The following ATG10 variants were observed in gnomAD, a reference collection of about 807,000 sequenced individuals.
ATG10 encodes the protein autophagy related 10.
Under a neutral mutation model 32.1 loss-of-function variants are expected in ATG10, and 30 were observed. The ratio of observed to expected loss-of-function variants is 0.94; its 90% CI spans 0.70 to 1.27. The LOEUF (loss-of-function observed/expected upper bound fraction) is 1.27. Ranked by LOEUF, ATG10 falls within the 50% of genes most tolerant of loss-of-function variation. The pLI is 0.00. For synonymous variants in ATG10, 87 were observed against 91.5 expected (o/e 0.95, Z 0.28); for missense variants, 233 against 262.3 (o/e 0.89, Z 0.77).
At chr5:82,009,122 G>A (rs935331817) in intron 2 of ATG10, among the ~76,000 whole-genome samples, 11 of 152,118 alleles carry the variant, frequency 7.2e-5, no homozygotes, top group African/African-American at 1.2e-4. Flanking sequence ...TACCATTGAG[G>A]CCAAATTGTT....
At chr5:82,135,596 A>G (rs993487993) in intron 3 of ATG10, among the ~76,000 whole-genome samples, 15 of 152,038 alleles carry the variant, frequency 9.9e-5, no homozygotes, top group South Asian at 8.3e-4. Flanking sequence ...GACTGTTATG[A>G]TTTCTGTTCT....
At chr5:81,976,088 GC>G in intron 1 of ATG10, 1 of 151,034 alleles carries the variant, frequency 6.6e-6, no homozygotes, top group Non-Finnish European at 1.5e-5. Context: ...GCAGGCTCCG[GC>G]CCCCGAGTTC....
At chr5:81,981,491 C>T (rs1284609173) in intron 1 of ATG10, among the ~76,000 whole-genome samples, 2 of 152,036 alleles carry the variant, frequency 1.3e-5, no homozygotes, top group African/African-American at 4.8e-5. Context: ...TTTAACTCTC[C>T]TACCTGATAG....
chr5:82,201,860 A>G (rs1341059097), intron 5 of ATG10, among the ~76,000 whole-genome samples: 3 of 152,192 alleles, frequency 2.0e-5, no homozygotes, highest in Admixed American at 1.3e-4. Context: ...ACATTTCCTT[A>G]AATTTTTATG....
intron 3 of ATG10, among the ~76,000 whole-genome samples, chr5:82,153,825 A>T (rs758243159): frequency 1.4e-4 from 21 of 151,992 alleles, no homozygotes; most frequent in Non-Finnish European, 2.4e-4. Flanking sequence ...ATATTAGGAC[A>T]TAATATCTAT....
At chr5:82,151,217 T>C (rs967944783) in intron 3 of ATG10, among the ~76,000 whole-genome samples, 2 of 152,180 alleles carry the variant, frequency 1.3e-5, no homozygotes, top group African/African-American at 4.8e-5. Flanking sequence ...AAAATTTTAA[T>C]ATAATTTTTA....
chr5:82,209,272 G>C (rs908887527), intron 5 of ATG10, among the ~76,000 whole-genome samples: 8 of 151,518 alleles, frequency 5.3e-5, no homozygotes, highest in Admixed American at 4.6e-4. Flanking sequence ...TTTTTCTACT[G>C]TTATATATTG....
intron 3 of ATG10, among the ~76,000 whole-genome samples, chr5:82,133,610 G>A (rs1766625237): frequency 6.6e-6 from 1 of 152,088 alleles, no homozygotes; most frequent in Non-Finnish European, 1.5e-5. Context: ...GTACCATACT[G>A]TTGTAGTTAC....
intron 3 of ATG10, among the ~76,000 whole-genome samples, chr5:82,158,309 C>CT (rs1767889818): frequency 6.6e-6 from 1 of 152,038 alleles, no homozygotes; most frequent in South Asian, 2.1e-4. Context: ...ATTGTGACTT[C>CT]TTTTTTCAAT....
chr5:82,248,557 G>A (rs115457767), intron 5 of ATG10, among the ~76,000 whole-genome samples: 2,910 of 152,246 alleles, frequency 0.019, 97 homozygotes, highest in African/African-American at 0.067. Context: ...AACTAAACAC[G>A]TCTCAGATTT....
chr5:82,119,984 TTGTGTG>T (rs5869106), intron 3 of ATG10, among the ~76,000 whole-genome samples: 3,482 of 148,106 alleles, frequency 0.024, 57 homozygotes, highest in African/African-American at 0.054. Context: ...CCACCATTTA[TTGTGTG>T]TGTGTGTGTG....
chr5:82,143,361 G>C (rs571835249), intron 3 of ATG10, among the ~76,000 whole-genome samples: 8 of 152,246 alleles, frequency 5.3e-5, no homozygotes, highest in African/African-American at 1.9e-4. Flanking sequence ...CAGAACGGTC[G>C]TTAGAGTCAT....
intron 3 of ATG10, among the ~76,000 whole-genome samples, chr5:82,119,769 C>G (rs1256055182): frequency 6.6e-6 from 1 of 152,026 alleles, no homozygotes; most frequent in Non-Finnish European, 1.5e-5. Flanking sequence ...CCTGAATTAC[C>G]ACACATTTTT....
At chr5:82,236,508 C>G (rs1035691802) in intron 5 of ATG10, among the ~76,000 whole-genome samples, 1 of 151,970 alleles carries the variant, frequency 6.6e-6, no homozygotes, top group Non-Finnish European at 1.5e-5. Flanking sequence ...GGGAGGGAGC[C>G]CTTTGTAGAT....
At chr5:82,137,876 C>G (rs75809989) in intron 3 of ATG10, among the ~76,000 whole-genome samples, 1,595 of 152,306 alleles carry the variant, frequency 0.01, 32 homozygotes, top group African/African-American at 0.033. Flanking sequence ...CTCTAAGCCC[C>G]TCACTGGGCT....
intron 3 of ATG10, among the ~76,000 whole-genome samples, chr5:82,116,670 A>G (rs1489826108): frequency 1.3e-5 from 2 of 152,138 alleles, no homozygotes; most frequent in Non-Finnish European, 2.9e-5. Flanking sequence ...TTAAAAGCAA[A>G]ACAAAACAAA....
intron 2 of ATG10, among the ~76,000 whole-genome samples, chr5:82,010,420 A>G (rs1483644552): frequency 3.9e-5 from 6 of 152,172 alleles, no homozygotes; most frequent in South Asian, 4.1e-4. Context: ...ATGTATCTAT[A>G]ATGTTGTCTT....
At chr5:82,075,453 A>T (rs1359533440) in intron 3 of ATG10, among the ~76,000 whole-genome samples, 2 of 152,162 alleles carry the variant, frequency 1.3e-5, no homozygotes, top group Non-Finnish European at 2.9e-5. Flanking sequence ...GTTTGTATTT[A>T]GTTGTTTGTG....
Position 82,251,766 on chromosome 5 carries a change from AC to A in ATG10, c.454-795del, listed in dbSNP as rs548264447. On this transcript the variant is annotated intron_variant, in intron 5 of 7. Coordinates refer to ENST00000282185, the MANE Select transcript of ATG10 (RefSeq NM_031482.5). The stretch of plus-strand genomic sequence containing the variant: ...GGTAGAACTTGTGCACAGATTACCC[AC>A]TACATAGAAACCTCCTAGGGCTCCC... Among the ~76,000 whole-genome samples the A allele has an allele frequency of 2.9e-3, 437 of 152,292 alleles. 8 individuals are homozygous for A. Among genetic ancestry groups the A allele is most frequent in the Non-Finnish European group, 2.2e-3 (151 of 68,030 alleles).
Sources: allele counts gnomAD v4.1 joint callset (sites outside exome capture counted in the v4.1 genomes callset), GRCh38; gene constraint gnomAD v4.1.1; transcripts MANE v1.5; gene names NCBI Gene and HGNC (gene_info 2026-07-23, HGNC 2026-07-21).